Variants in ENPP1 observed in about 807,000 individuals in gnomAD.
The protein encoded by ENPP1 is ectonucleotide pyrophosphatase/phosphodiesterase family member 1.
In ENPP1, 73 loss-of-function variants were observed where a neutral mutation model predicts 122.8. The ratio of observed to expected loss-of-function variants is 0.59; its 90% CI spans 0.49 to 0.72. The LOEUF (loss-of-function observed/expected upper bound fraction) is 0.72. Among genes scored for constraint, ENPP1 ranks in the 30% least tolerant of loss-of-function variants. The pLI is 0.00. For missense variants in ENPP1, 978 were observed against 1,128.1 expected (o/e 0.87, Z 1.91); for synonymous variants, 367 against 391.6 (o/e 0.94, Z 0.74).
At chr6:131,877,866 A>AAATAT (rs1562183349) in intron 18 of ENPP1, 5 of 53,028 alleles carry the variant, frequency 9.4e-5, no homozygotes, top group East Asian at 1.2e-3. Context: ...AAAAAAAAAA[A>AAATAT]ATATATATAT....
At chr6:131,884,472 A>G (rs73778351) in intron 22 of ENPP1, among the ~76,000 whole-genome samples, 1,731 of 152,260 alleles carry the variant, frequency 0.011, 31 homozygotes, top group African/African-American at 0.039. Context: ...TTGGCCTCAC[A>G]CTAAGATTAG....
intron 17 of ENPP1, 100 bp downstream of exon 17, chr6:131,875,963 T>C: frequency 1.1e-6 from 1 of 898,780 alleles, no homozygotes. Flanking sequence ...GAGATGATGG[T>C]GAGGCAAGAC....
chr6:131,894,900 G>A lies in ENPP1; in HGVS notation c.*4389G>A, dbSNP rs1782526473. 6.6e-6 allele frequency: 1 copy of A among 152,200 alleles called. No individual in the cohort carries two copies. Among genetic ancestry groups the A allele is most frequent in the Non-Finnish European group, 1.5e-5 (1 of 68,060 alleles). 9.4% of individuals were successfully genotyped at this position (152,200 alleles called of 1,614,324 possible). A position where few individuals can be genotyped will look rare whatever the true frequency, so the allele number is the denominator to read the frequency against. ...AATCACTCTCCTTCTTTGCGCTATGGTAGGTGTTTACCCATCATAGGAATG... is the reference window on the plus strand; with the variant it reads ...AATCACTCTCCTTCTTTGCGCTATGATAGGTGTTTACCCATCATAGGAATG... On this transcript the variant is annotated 3_prime_UTR_variant, in exon 25 of 25. Transcript: ENST00000647893.
At chr6:131,854,659 G>A (rs372692397) in intron 5 of ENPP1, among the ~76,000 whole-genome samples, 8 of 152,150 alleles carry the variant, frequency 5.3e-5, no homozygotes, top group Admixed American at 2.6e-4. Context: ...GTTTCTGTAT[G>A]GTGGCTCAAA....
intron 4 of ENPP1, chr6:131,851,526 A>G (rs1781881034): frequency 2.2e-6 from 1 of 453,614 alleles, no homozygotes; most frequent in Non-Finnish European, 4.0e-6. Flanking sequence ...TTTATCTATA[A>G]CCACTCATTC....
At chr6:131,833,645 A>C (rs1436314401) in intron 1 of ENPP1, among the ~76,000 whole-genome samples, 2 of 152,210 alleles carry the variant, frequency 1.3e-5, no homozygotes, top group African/African-American at 4.8e-5. Flanking sequence ...CATTTGCTCC[A>C]TTTGCCATTG....
chr6:131,834,860 A>T (rs1229975809), intron 1 of ENPP1, among the ~76,000 whole-genome samples: 1 of 152,164 alleles, frequency 6.6e-6, no homozygotes, highest in African/African-American at 2.4e-5. Flanking sequence ...CGCCCAGCTG[A>T]GGTAATAGTC....
chr6:131,842,042 C>T (rs766493969), intron 1 of ENPP1, among the ~76,000 whole-genome samples: 3 of 152,134 alleles, frequency 2.0e-5, no homozygotes, highest in Non-Finnish European at 2.9e-5. Context: ...CCTTCCCACT[C>T]CTACCTGCCT....
chr6:131,850,159 G>A, intron 3 of ENPP1, 53 bp downstream of exon 3: 1 of 1,235,770 alleles, frequency 8.1e-7, no homozygotes, highest in Middle Eastern at 1.9e-4. Context: ...AAAAGATCAA[G>A]GAAAGTTCTG....
chr6:131,846,100 C>T lies in ENPP1; in HGVS notation c.241-1676C>T, dbSNP rs113165189. ...TGCAGTCACTTGACAGTAGGCACCT[C>T]GAGAGCAGAGGTCATGTCTGTTTTA... On this transcript the variant is annotated intron_variant, in intron 1 of 24. Transcript: ENST00000647893. Among the ~76,000 whole-genome samples, 526 of 152,230 alleles carry T rather than the reference C, an allele frequency of 3.5e-3. 2 individuals carry two copies. The highest frequency in any genetic ancestry group is 0.013 in the South Asian group (63 of 4,820).
chr6:131,832,113 T>C (rs1003462738), intron 1 of ENPP1, among the ~76,000 whole-genome samples: 12 of 152,286 alleles, frequency 7.9e-5, no homozygotes, highest in African/African-American at 2.6e-4. Context: ...TTGTAAGTGT[T>C]TAGCACTTCC....
intron 13 of ENPP1, among the ~76,000 whole-genome samples, chr6:131,870,555 A>G (rs1016832346): frequency 6.6e-6 from 1 of 152,160 alleles, no homozygotes; most frequent in Non-Finnish European, 1.5e-5. Context: ...TTTTCTGACA[A>G]TTACCGGAAT....
chr6:131,811,717 T>G (rs1474635605), intron 1 of ENPP1, among the ~76,000 whole-genome samples: 3 of 152,154 alleles, frequency 2.0e-5, no homozygotes, highest in African/African-American at 7.2e-5. Context: ...CCCCTGGGAA[T>G]GGGTGCAGTG....
At chr6:131,868,172 GA>G (rs1218111651) in intron 12 of ENPP1, 46 bp downstream of exon 12, 1 of 1,414,652 alleles carries the variant, frequency 7.1e-7, no homozygotes, top group Non-Finnish European at 1.0e-6. Context: ...AAGGGCTGAA[GA>G]AAGTTTACTT....
At chr6:131,886,435 G>T in intron 23 of ENPP1, 127 bp from the exon 24 acceptor site, 2 of 729,876 alleles carry the variant, frequency 2.7e-6, no homozygotes, top group South Asian at 3.5e-5. Context: ...GTGATTACTA[G>T]CTTCTTATAT....
chr6:131,820,124 T>C (rs2114658152), intron 1 of ENPP1: 1 of 422,674 alleles, frequency 2.4e-6, no homozygotes, highest in Non-Finnish European at 4.4e-6. Context: ...GAGCGACTGG[T>C]CATAGTTTAA....
intron 15 of ENPP1, among the ~76,000 whole-genome samples, 174 bp from the exon 16 acceptor site, chr6:131,874,094 A>G (rs1322973454): frequency 1.3e-5 from 2 of 152,166 alleles, no homozygotes; most frequent in South Asian, 2.1e-4. Flanking sequence ...TGTCCATGAA[A>G]TAAAAGATAG....
At chr6:131,875,927 C>A in intron 17 of ENPP1, 64 bp downstream of exon 17, 1 of 1,348,428 alleles carries the variant, frequency 7.4e-7, no homozygotes, top group Non-Finnish European at 1.1e-6. Context: ...TTATCAAAAG[C>A]AGGTCACATT....
At chr6:131,836,610 G>A (rs1435483177) in intron 1 of ENPP1, among the ~76,000 whole-genome samples, 1 of 152,062 alleles carries the variant, frequency 6.6e-6, no homozygotes, top group African/African-American at 2.4e-5. Context: ...TTAAATGCAC[G>A]AGATTCATGA....
Sources: allele counts gnomAD v4.1 joint callset (sites outside exome capture counted in the v4.1 genomes callset), GRCh38; gene constraint gnomAD v4.1.1; transcripts MANE v1.5; gene names NCBI Gene and HGNC (gene_info 2026-07-23, HGNC 2026-07-21).